THRB: variants seen among roughly 807,000 people sequenced by gnomAD.
THRB encodes nuclear receptor subfamily 1 group A member 2.
A neutral mutation model predicts 47.8 loss-of-function variants in THRB; 12 were observed. That is an observed-to-expected ratio of 0.25 (90% CI 0.16 to 0.41). THRB has a LOEUF of 0.41. Ranked by LOEUF, THRB falls within the 10% of genes least tolerant of loss-of-function variation. The pLI, the probability that THRB is intolerant of heterozygous loss-of-function variation, is 1.00. For missense variants in THRB, 348 were observed against 589.2 expected (o/e 0.59, Z 4.24); for synonymous variants, 218 against 212.2 (o/e 1.03, Z -0.24).
intron 4 of THRB, among the ~76,000 whole-genome samples, chr3:24,213,408 C>A (rs1004540396): frequency 1.3e-5 from 2 of 152,168 alleles, no homozygotes; most frequent in African/African-American, 4.8e-5. Context: ...ATGCCATGGA[C>A]TGTGTACTTT....
rs9874766 is a variant in THRB, at chr3:24,230,459, G to C, written c.-42-1458C>G. On this transcript the variant is annotated intron_variant, in intron 3 of 10. Transcript: ENST00000646209. ...AATTGGCACCTGATGGAGAGGATGA[G>C]TATTCACTGCTAGGAAAATGCATTC... 9.8e-3 allele frequency among the ~76,000 whole-genome samples: 1,488 copies of C among 152,300 alleles called. 24 individuals are homozygous for C. Among genetic ancestry groups the C allele is most frequent in the Middle Eastern group, 0.037 (11 of 294 alleles).
Position 24,441,973 on chromosome 3 carries a change from G to A in THRB, c.-261+52679C>T, listed in dbSNP as rs555431891. ...ATCCACCCAGGTAGGATAAGCATGT[G>A]AGAACTGCCACTTTTTCACCAATGA... is the stretch of plus-strand genomic sequence containing the variant. On this transcript the variant is annotated intron_variant, in intron 1 of 10. Transcript: ENST00000646209. Among the ~76,000 whole-genome samples the A allele has an allele frequency of 1.2e-4, 18 of 152,252 alleles. No homozygotes were observed. In the South Asian group the frequency reaches 3.3e-3, roughly 28 times the overall value.
At position 24,402,929 on chromosome 3, in the gene THRB, A is replaced by G. The variant is rs568073239; in HGVS notation, c.-260-65558T>C. 4.6e-5 allele frequency among the ~76,000 whole-genome samples: 7 copies of G among 152,210 alleles called. No homozygotes were observed. The East Asian group carries it at 1.2e-3, about 25-fold the overall frequency. On this transcript the variant is annotated intron_variant, in intron 1 of 10. Coordinates refer to ENST00000646209, the MANE Select transcript of THRB (RefSeq NM_001354712.2). ...TTGGAGACAACTTGACAATATAGAT[A>G]GAACAATTGATCACCTAGAGTGACC...
intron 8 of THRB, among the ~76,000 whole-genome samples, chr3:24,135,015 C>A (rs2034433964): frequency 6.6e-6 from 1 of 152,122 alleles, no homozygotes; most frequent in Admixed American, 6.5e-5. Context: ...TTTCTGGGCC[C>A]CATCCCCAGT....
chr3:24,451,612 T>G (rs779594894), intron 1 of THRB, among the ~76,000 whole-genome samples: 4 of 152,176 alleles, frequency 2.6e-5, no homozygotes, highest in Non-Finnish European at 4.4e-5. Flanking sequence ...TCTATTCTCT[T>G]TCACCTGCTC....
intron 1 of THRB, among the ~76,000 whole-genome samples, chr3:24,487,644 A>C (rs73823338): frequency 0.021 from 3,213 of 152,298 alleles, 115 homozygotes; most frequent in African/African-American, 0.069. Flanking sequence ...CATCAGGGTG[A>C]CTGTAGCATT....
At chr3:24,219,098 C>G (rs1391344656) in intron 4 of THRB, among the ~76,000 whole-genome samples, 1 of 151,976 alleles carries the variant, frequency 6.6e-6, no homozygotes. Context: ...GAGACCCTGT[C>G]TCTGCAAAAA....
At chr3:24,140,189 T>C (rs1230565618) in intron 8 of THRB, among the ~76,000 whole-genome samples, 5 of 152,224 alleles carry the variant, frequency 3.3e-5, no homozygotes, top group African/African-American at 1.2e-4. Context: ...ATATGTAAAC[T>C]GGCTAAGACA....
chr3:24,329,964 G>A (rs903170331), intron 2 of THRB, among the ~76,000 whole-genome samples: 2 of 152,232 alleles, frequency 1.3e-5, no homozygotes, highest in Non-Finnish European at 2.9e-5. Flanking sequence ...TCTAATGCAT[G>A]CTTTACTTTG....
intron 2 of THRB, among the ~76,000 whole-genome samples, chr3:24,326,011 T>C (rs1055320686): frequency 3.3e-5 from 5 of 152,144 alleles, no homozygotes; most frequent in African/African-American, 4.8e-5. Flanking sequence ...CACTTATTCT[T>C]CTAGGCTTGA....
intron 5 of THRB, among the ~76,000 whole-genome samples, chr3:24,159,727 CTGTG>C (rs67972581): frequency 0.034 from 4,962 of 145,310 alleles, 96 homozygotes; most frequent in South Asian, 0.067. Flanking sequence ...GCCACAACTG[CTGTG>C]TGTGTGTGTG....
chr3:24,218,339 TCTC>T (rs1257957050), intron 4 of THRB, among the ~76,000 whole-genome samples: 78 of 106,562 alleles, frequency 7.3e-4, no homozygotes, highest in African/African-American at 3.4e-3. Flanking sequence ...TCTCTCTCTC[TCTC>T]TTTTTTTTTT....
chr3:24,228,346 C>T (rs549786053), intron 4 of THRB, among the ~76,000 whole-genome samples: 1 of 152,188 alleles, frequency 6.6e-6, no homozygotes, highest in Admixed American at 6.5e-5. Context: ...TTATACCTTA[C>T]ATGACCTAAT....
intron 5 of THRB, among the ~76,000 whole-genome samples, chr3:24,180,211 T>A (rs1432479834): frequency 2.0e-5 from 3 of 152,210 alleles, no homozygotes; most frequent in African/African-American, 7.2e-5. Flanking sequence ...TGAATACATA[T>A]CTTTTCATTA....
chr3:24,159,362 G>T (rs986793857), intron 5 of THRB, among the ~76,000 whole-genome samples: 9 of 152,160 alleles, frequency 5.9e-5, no homozygotes, highest in African/African-American at 1.9e-4. Context: ...TGATGCTTTC[G>T]TAGTGCTTAT....
chr3:24,239,073 T>C (rs1274682623), intron 3 of THRB, among the ~76,000 whole-genome samples: 2 of 151,916 alleles, frequency 1.3e-5, no homozygotes, highest in African/African-American at 4.8e-5. Context: ...TCCTGAGTAG[T>C]TGGAATTACA....
chr3:24,475,017 G>A (rs1185509458), intron 1 of THRB, among the ~76,000 whole-genome samples: 3 of 152,160 alleles, frequency 2.0e-5, no homozygotes, highest in Admixed American at 6.5e-5. Flanking sequence ...ACACTAATAC[G>A]TGGCATTCTA....
chr3:24,170,638 G>A (rs1476123542), intron 5 of THRB, among the ~76,000 whole-genome samples: 5 of 152,148 alleles, frequency 3.3e-5, no homozygotes. Flanking sequence ...CAAGGACGCT[G>A]CACATGTTCT....
intron 3 of THRB, among the ~76,000 whole-genome samples, chr3:24,271,780 AATTT>A (rs1395273246): frequency 6.9e-6 from 1 of 145,904 alleles, no homozygotes; most frequent in Non-Finnish European, 1.5e-5. Context: ...TCCTTGAGAA[AATTT>A]AATTTAATTT....
Sources: allele counts gnomAD v4.1 joint callset (sites outside exome capture counted in the v4.1 genomes callset), GRCh38; gene constraint gnomAD v4.1.1; transcripts MANE v1.5; gene names NCBI Gene and HGNC (gene_info 2026-07-23, HGNC 2026-07-21).